TTN: variants seen among roughly 807,000 people sequenced by gnomAD.
TTN encodes the protein titin.
In TTN, 1,525 loss-of-function variants were observed where a neutral mutation model predicts 3,223.0. The ratio of observed to expected loss-of-function variants is 0.47; its 90% CI spans 0.45 to 0.49. The LOEUF (loss-of-function observed/expected upper bound fraction) is 0.49, where lower values mean the gene tolerates loss of function less well. Ranked by LOEUF, TTN falls within the 20% of genes least tolerant of loss-of-function variation. The pLI, the probability that TTN is intolerant of heterozygous loss-of-function variation, is 0.00. For synonymous variants in TTN, 14,094 were observed against 15,161.0 expected (o/e 0.93, Z 5.17); for missense variants, 40,786 against 43,424.0 (o/e 0.94, Z 5.40).
intron 218 of TTN, among the ~76,000 whole-genome samples, chr2:178,644,017 A>G (rs2061566287): frequency 6.6e-6 from 1 of 152,016 alleles, no homozygotes; most frequent in Admixed American, 6.6e-5. Context: ...TACCTACAGT[A>G]ATAAGGAAAT....
chr2:178,534,418 T>G lies in TTN; in HGVS notation c.102197A>C (p.Glu34066Ala). ...CTTCAACCATGGGTGCTGGAGAGCC[T>G]CCGATGCTGTCATGCGAGATTTCCT... The part of the protein sequence containing the change: ...KERKSRMTAS[E>A]ALQHPWLKQK... Residue 34066 changes from glutamate to alanine, a missense_variant, in exon 358 of 363, where the codon GAG (glutamate) becomes GCG (alanine). Coordinates refer to ENST00000589042, the MANE Select transcript of TTN (RefSeq NM_001267550.2). 1 of 1,611,854 alleles carries G rather than the reference T, an allele frequency of 6.2e-7. No homozygotes were observed.
intron 114 of TTN, 81 bp from the exon 115 acceptor site, chr2:178,695,491 T>C (rs1050582569): frequency 1.9e-6 from 2 of 1,074,752 alleles, no homozygotes; most frequent in Non-Finnish European, 1.4e-6. Flanking sequence ...TGAGATAAGG[T>C]AAGGATAATA....
At position 178,572,140 on chromosome 2, in the gene TTN, G is replaced by C; in HGVS notation, c.73992C>G (p.Ala24664=). 1 of 1,613,324 alleles carries C rather than the reference G, an allele frequency of 6.2e-7. No individual in the cohort carries two copies. The highest frequency in any genetic ancestry group is 8.5e-7 in the Non-Finnish European group (1 of 1,179,588). The change falls in exon 326 of 363, where the codon GCC becomes GCG. Residue 24664 remains alanine (A), a synonymous_variant. Coordinates refer to ENST00000589042, the MANE Select transcript of TTN (RefSeq NM_001267550.2). ...CAGTGACCTTGACTGTGGCACACGT[G>C]GCCCATTTGTCACTGCCTTTGGTCT... ...EMQTKGSDKW[A]TCATVKVTEA...
rs1397154421 is a variant in TTN, at chr2:178,709,833, T to G, written c.28486A>C (p.Thr9496Pro). ...TCTACTGTCTCTGAGAGTCTTTTAG[T>G]GAAACTTGGTGGGATGAGCCGCTCT... ...IKERLIPPSF[T>P]KRLSETVEET... Residue 9496 changes from threonine (T) to proline (P), a missense_variant, in exon 99 of 363, where the codon ACT (threonine) becomes CCT (proline). By Grantham distance (38) the Thr-to-Pro change is conservative. Transcript: ENST00000589042. 7 of 1,612,128 alleles carry G rather than the reference T, an allele frequency of 4.3e-6. No individual in the cohort carries two copies. Among genetic ancestry groups the G allele is most frequent in the Non-Finnish European group, 5.9e-6 (7 of 1,178,946 alleles).
chr2:178,553,495 T>C lies in TTN; in HGVS notation c.89503+7A>G, dbSNP rs746577107. Reference sequence around the variant, plus strand: ...TAAAAAACATAATCAAACCAGTAGGTACATACCAAGTATATCTTTAGCTTG... The same window carrying C: ...TAAAAAACATAATCAAACCAGTAGGCACATACCAAGTATATCTTTAGCTTG... On this transcript the variant is annotated splice_region_variant and intron_variant, in intron 334 of 362. Coordinates refer to ENST00000589042, the MANE Select transcript of TTN (RefSeq NM_001267550.2). 4 of 1,604,342 alleles carry C rather than the reference T, an allele frequency of 2.5e-6. No individual in the cohort carries two copies. The Admixed American group carries it at 5.1e-5, about 20-fold the overall frequency.
Position 178,597,797 on chromosome 2 carries a change from A to T in TTN, c.57285T>A (p.Asp19095Glu). Residue 19095 changes from aspartate to glutamate, a missense_variant, in exon 294 of 363, where the codon GAT becomes GAA. Asp to Glu is a conservative substitution (Grantham distance 45). Coordinates refer to ENST00000589042, the MANE Select transcript of TTN (RefSeq NM_001267550.2). ...DRLVSPDLQLDASVRDRIVVH... is the reference protein window; with the variant it reads ...DRLVSPDLQLEASVRDRIVVH... The stretch of plus-strand genomic sequence containing the variant: ...CAACAATTCTATCTCTGACACTGGC[A>T]TCTAGCTGAAGGTCAGGTGAAACTG... 1 of 1,613,210 alleles carries T rather than the reference A, an allele frequency of 6.2e-7. No homozygotes were observed. Among genetic ancestry groups the T allele is most frequent in the Non-Finnish European group, 8.5e-7 (1 of 1,179,540 alleles).
Position 178,543,595 on chromosome 2 carries a change from C to A in TTN, c.96378G>T (p.Trp32126Cys), listed in dbSNP as rs794729542. The A allele has an allele frequency of 6.2e-7, 1 of 1,606,484 alleles. No individual in the cohort carries two copies. ...CTCCACCATCAATCGTGGGAATTTCCCAAGTTATAGTCACAGAATCTCTTG... is the reference window on the plus strand; with the variant it reads ...CTCCACCATCAATCGTGGGAATTTCACAAGTTATAGTCACAGAATCTCTTG... ...EVSRDSVTIT[W>C]EIPTIDGGAP... Residue 32126 changes from tryptophan (W) to cysteine (C), a missense_variant, in exon 347 of 363, where the codon TGG becomes TGT. Transcript: ENST00000589042.
In TTN at chr2:178,734,316, T is replaced by G; in HGVS notation, c.15496+12A>C. Reference sequence around the variant, plus strand: ...AATTTATTAAAGAGACATTAGTTTTTCAAGCACTAACCTTTGAGTAAGTGG... The same window carrying G: ...AATTTATTAAAGAGACATTAGTTTTGCAAGCACTAACCTTTGAGTAAGTGG... On this transcript the variant is annotated intron_variant, in intron 52 of 362. Transcript: ENST00000589042. 1 of 1,554,234 alleles carries G rather than the reference T, an allele frequency of 6.4e-7. No homozygotes were observed. The highest frequency in any genetic ancestry group is 8.7e-7 in the Non-Finnish European group (1 of 1,153,152).
At chr2:178,790,157 C>A (rs2093413086) in intron 11 of TTN, 42 bp from the exon 12 acceptor site, 1 of 1,587,562 alleles carries the variant, frequency 6.3e-7, no homozygotes, top group Non-Finnish European at 8.6e-7. Context: ...CATTAAATTC[C>A]ATAAATCTTT....
In TTN at chr2:178,637,394, A is replaced by G; in HGVS notation, c.40902T>C (p.Ala13634=). ...CTTTGATAGGACCTTTTGGCTTGGCAGCCTCTTCCTTAGGTGCTTTGGCTT... is the reference window on the plus strand; with the variant it reads ...CTTTGATAGGACCTTTTGGCTTGGCGGCCTCTTCCTTAGGTGCTTTGGCTT... The part of the protein sequence containing the change: ...KAEAKAPKEE[A]AKPKGPIKGV... Residue 13634 remains alanine, a synonymous_variant, in exon 224 of 363, where the codon GCT becomes GCC. Coordinates refer to ENST00000589042, the MANE Select transcript of TTN (RefSeq NM_001267550.2). 6.8e-7 allele frequency: 1 copy of G among 1,478,112 alleles called. No homozygotes were observed. Among genetic ancestry groups the G allele is most frequent in the Non-Finnish European group, 9.0e-7 (1 of 1,116,362 alleles). 91.6% of individuals were successfully genotyped at this position (1,478,112 alleles called of 1,614,324 possible).
Position 178,548,306 on chromosome 2 carries a change from G to A in TTN, c.93320C>T (p.Pro31107Leu). 1 of 1,613,768 alleles carries A rather than the reference G, an allele frequency of 6.2e-7. No homozygotes were observed. The highest frequency in any genetic ancestry group is 2.2e-5 in the East Asian group (1 of 44,868). Residue 31107 changes from proline (P) to leucine (L), a missense_variant, in exon 339 of 363, where the codon CCA (proline) becomes CTA (leucine). By Grantham distance (98) the Pro-to-Leu change is moderately conservative. Coordinates refer to ENST00000589042, the MANE Select transcript of TTN (RefSeq NM_001267550.2). The surrounding 1 kb of genome is among the most constrained non-coding windows in gnomAD (Gnocchi z 4.3). Reference protein sequence around the residue: ...GVGEPYEMPEPIVATEQPAPP... With the variant: ...GVGEPYEMPELIVATEQPAPP... ...AGCAGGCTGTTCTGTGGCTACAATT[G>A]GTTCTGGCATTTCATAGGGCTCACC...
At position 178,548,434 on chromosome 2, in the gene TTN, C is replaced by G; in HGVS notation, c.93192G>C (p.Gln31064His). 1.1e-5 allele frequency: 18 copies of G among 1,613,876 alleles called. No individual in the cohort carries two copies. The highest frequency in any genetic ancestry group is 1.5e-5 in the Non-Finnish European group (18 of 1,179,820). Reference protein sequence around the residue: ...EKREASRRSWQVISEKCTRQI... With the variant: ...EKREASRRSWHVISEKCTRQI... Reference sequence around the variant, plus strand: ...GACGAGTGCATTTTTCACTGATAACCTGCCAACTACGGCGACTTGCCTCTC... The same window carrying G: ...GACGAGTGCATTTTTCACTGATAACGTGCCAACTACGGCGACTTGCCTCTC... The change falls in exon 339 of 363, where the codon CAG (glutamine) becomes CAC (histidine). Residue 31064 changes from glutamine (Q) to histidine (H), a missense_variant. Physicochemically the swap from Gln to His is conservative, Grantham distance 24. Transcript: ENST00000589042. This position sits in a 1 kb window ranked among gnomAD's most constrained non-coding sequence, Gnocchi z 4.3.
intron 138 of TTN, 141 bp downstream of exon 138, chr2:178,680,938 T>C: frequency 1.3e-6 from 1 of 755,512 alleles, no homozygotes. Flanking sequence ...TCTTATCCTG[T>C]ATTTACACAT....
At chr2:178,725,322 A>G in intron 71 of TTN, 46 bp downstream of exon 71, 1 of 1,425,896 alleles carries the variant, frequency 7.0e-7, no homozygotes, top group Non-Finnish European at 9.2e-7. Context: ...TTAGTAATTC[A>G]TTCCAGCATT....
chr2:178,769,335 C>A (rs1401495506), intron 37 of TTN, among the ~76,000 whole-genome samples: 1 of 151,968 alleles, frequency 6.6e-6, no homozygotes, highest in Non-Finnish European at 1.5e-5. Context: ...CTCACTGCAG[C>A]CTTGGCCTTC....
rs773495315 is a variant in TTN at position 178,774,023 on chromosome 2, T to C, written c.7145A>G (p.Glu2382Gly). 40 of 1,613,964 alleles carry C rather than the reference T, an allele frequency of 2.5e-5. No individual in the cohort carries two copies. Among genetic ancestry groups the C allele is most frequent in the Non-Finnish European group, 3.1e-5 (37 of 1,179,986 alleles). The part of the protein sequence containing the change: ...IVQLEVKVSL[E>G]SVEGVWMKDG... ...TTTCATCCAGACGCCTTCCACACTT[T>C]CCAAGGAGACTTTAACTTCAAGCTG... is the stretch of plus-strand genomic sequence containing the variant. Residue 2382 changes from glutamate (E) to glycine (G), a missense_variant, in exon 31 of 363, where the codon GAA (glutamate) becomes GGA (glycine). By Grantham distance (98) the Glu-to-Gly change is moderately conservative. Coordinates refer to ENST00000589042, the MANE Select transcript of TTN (RefSeq NM_001267550.2).
Position 178,565,483 on chromosome 2 carries a change from C to G in TTN, c.80649G>C (p.Lys26883Asn). Residue 26883 changes from lysine to asparagine, a missense_variant, in exon 326 of 363, where the codon AAG (lysine) becomes AAC (asparagine). Coordinates refer to ENST00000589042, the MANE Select transcript of TTN (RefSeq NM_001267550.2). Reference sequence around the variant, plus strand: ...GGATACTATATGTGTTAAATGGTAACTTTAAACTAGGCTGTATAGTCAAGT... The same window carrying G: ...GGATACTATATGTGTTAAATGGTAAGTTTAAACTAGGCTGTATAGTCAAGT... ...AKDLTIQPSL[K>N]LPFNTYSIQA... 6.2e-7 allele frequency: 1 copy of G among 1,613,232 alleles called. No individual in the cohort carries two copies. Among genetic ancestry groups the G allele is most frequent in the Non-Finnish European group, 8.5e-7 (1 of 1,179,492 alleles).
rs570464905 is a variant in TTN, at chr2:178,548,495, C to A, written c.93131G>T (p.Gly31044Val). Reference protein sequence around the residue: ...TLMWDAPLLDGGARIHHYVVE... With the variant: ...TLMWDAPLLDVGARIHHYVVE... ...CACATAATGATGGATTCGGGCACCA[C>A]CGTCAAGAAGAGGGGCATCCCACAT... The change falls in exon 339 of 363, where the codon GGT becomes GTT. Residue 31044 changes from glycine to valine, a missense_variant. Transcript: ENST00000589042. The surrounding 1 kb of genome is among the most constrained non-coding windows in gnomAD (Gnocchi z 4.3). 1.7e-4 allele frequency: 273 copies of A among 1,613,762 alleles called. 1 individual carries two copies. Among genetic ancestry groups the A allele is most frequent in the Non-Finnish European group, 2.2e-4 (257 of 1,179,818 alleles).
At chr2:178,796,701 G>A (rs2093788241) in intron 6 of TTN, among the ~76,000 whole-genome samples, 1 of 152,160 alleles carries the variant, frequency 6.6e-6, no homozygotes, top group African/African-American at 2.4e-5. Context: ...TGTTCTTGCT[G>A]TACTTAGTAA....
Sources: gnomAD v4.1 joint callset for allele counts (sites outside exome capture counted in the v4.1 genomes callset) on GRCh38, gnomAD v4.1.1 for gene constraint, Gnocchi (gnomAD v3.1) non-coding constraint, MANE v1.5 for transcripts, NCBI Gene and HGNC (gene_info 2026-07-23, HGNC 2026-07-21) for gene names.